The following DAB1 variants were observed in gnomAD, a reference collection of about 807,000 sequenced individuals.
The protein encoded by DAB1 is disabled homolog 1.
A neutral mutation model predicts 64.6 loss-of-function variants in DAB1; 15 were observed. The observed-to-expected ratio is 0.23, with a 90% CI of 0.16 to 0.36. The LOEUF is 0.36. DAB1 is among the 10% of genes least tolerant of loss of function. The pLI, the probability that DAB1 is intolerant of heterozygous loss-of-function variation, is 1.00. For synonymous variants in DAB1, 235 were observed against 251.9 expected (o/e 0.93, Z 0.64); for missense variants, 596 against 706.7 (o/e 0.84, Z 1.78).
chr1:57,534,787 T>C (rs993209526), intron 7 of DAB1, among the ~76,000 whole-genome samples: 2 of 152,184 alleles, frequency 1.3e-5, no homozygotes, highest in African/African-American at 2.4e-5. Flanking sequence ...GTAAATGAGA[T>C]AACATGTCTC....
At chr1:58,525,027 T>C (rs1268342380) in intron 2 of DAB1, among the ~76,000 whole-genome samples, 1 of 152,220 alleles carries the variant, frequency 6.6e-6, no homozygotes, top group African/African-American at 2.4e-5. Context: ...GTTAATTCTA[T>C]GCAGTTATGA....
At chr1:57,987,968 C>T (rs1320074421) in intron 5 of DAB1, among the ~76,000 whole-genome samples, 3 of 151,878 alleles carry the variant, frequency 2.0e-5, no homozygotes, top group Non-Finnish European at 4.4e-5. Context: ...AGGATTCACT[C>T]GTCCTTTCCT....
intron 1 of DAB1, among the ~76,000 whole-genome samples, chr1:57,342,546 G>A (rs1171635854): frequency 1.3e-5 from 2 of 152,194 alleles, no homozygotes; most frequent in Non-Finnish European, 2.9e-5. Flanking sequence ...ATTATTTGCA[G>A]GAAAGCAATT....
chr1:57,911,518 T>C (rs1190258165), intron 5 of DAB1, among the ~76,000 whole-genome samples: 3 of 152,128 alleles, frequency 2.0e-5, no homozygotes, highest in Non-Finnish European at 4.4e-5. Flanking sequence ...GCCTCTTCCT[T>C]GATCCCAGGC....
At chr1:58,101,058 T>C (rs1001066063) in intron 5 of DAB1, among the ~76,000 whole-genome samples, 5 of 152,180 alleles carry the variant, frequency 3.3e-5, no homozygotes, top group Non-Finnish European at 5.9e-5. Context: ...GGCTCACACC[T>C]GTAATCCCAA....
intron 1 of DAB1, among the ~76,000 whole-genome samples, chr1:58,540,501 A>G (rs1473710704): frequency 1.3e-5 from 2 of 151,836 alleles, no homozygotes; most frequent in East Asian, 3.8e-4. Flanking sequence ...ATGTTTAAGA[A>G]GCTAAAGGAA....
At chr1:58,004,631 T>C (rs922577364) in intron 5 of DAB1, among the ~76,000 whole-genome samples, 2 of 152,214 alleles carry the variant, frequency 1.3e-5, no homozygotes, top group African/African-American at 2.4e-5. Flanking sequence ...TGTGAATGCA[T>C]AGAATGTCCT....
chr1:58,126,122 A>C (rs780652590), intron 5 of DAB1, among the ~76,000 whole-genome samples: 14 of 152,322 alleles, frequency 9.2e-5, no homozygotes, highest in Non-Finnish European at 2.1e-4. Context: ...CCTAGAATAA[A>C]ATCAGTCTGA....
chr1:57,581,186 T>C (rs1051338366), intron 7 of DAB1, among the ~76,000 whole-genome samples: 1 of 152,198 alleles, frequency 6.6e-6, no homozygotes, highest in African/African-American at 2.4e-5. Flanking sequence ...ATTTCTTCAC[T>C]TGACAAAGGT....
chr1:57,255,482 CA>C (rs1418938192), intron 2 of DAB1, among the ~76,000 whole-genome samples: 1 of 151,876 alleles, frequency 6.6e-6, no homozygotes, highest in African/African-American at 2.4e-5. Context: ...GGCATCATGG[CA>C]AAACCCTGTA....
At chr1:57,171,402 T>A (rs950722646) in intron 2 of DAB1, among the ~76,000 whole-genome samples, 35 of 152,248 alleles carry the variant, frequency 2.3e-4, no homozygotes, top group African/African-American at 6.5e-4. Context: ...TGATAACTCC[T>A]GCTGTCTCTG....
At chr1:57,106,612 A>G (rs1475820894) in intron 4 of DAB1, among the ~76,000 whole-genome samples, 1 of 152,178 alleles carries the variant, frequency 6.6e-6, no homozygotes, top group Admixed American at 6.5e-5. Flanking sequence ...TCACTCATAT[A>G]TCACAAGGCC....
chr1:57,741,782 A>T (rs1648007793), intron 6 of DAB1, among the ~76,000 whole-genome samples: 1 of 152,218 alleles, frequency 6.6e-6, no homozygotes, highest in Admixed American at 6.5e-5. Context: ...GTCTTGCACG[A>T]GCTCAGCTGG....
chr1:57,369,649 A>C (rs1263297383), intron 1 of DAB1, among the ~76,000 whole-genome samples: 1 of 152,152 alleles, frequency 6.6e-6, no homozygotes, highest in South Asian at 2.1e-4. Context: ...TTGTACTCTC[A>C]GAGGTGGCAC....
chr1:58,483,234 C>A (rs570838420), intron 3 of DAB1, among the ~76,000 whole-genome samples: 4 of 152,266 alleles, frequency 2.6e-5, no homozygotes, highest in South Asian at 2.1e-4. Context: ...AGGAAGAGGT[C>A]CAGATGGGCC....
intron 1 of DAB1, among the ~76,000 whole-genome samples, chr1:57,376,099 C>T (rs1388380312): frequency 6.6e-6 from 1 of 152,190 alleles, no homozygotes; most frequent in Non-Finnish European, 1.5e-5. Flanking sequence ...TCCATTATGG[C>T]TTGCTCCACT....
chr1:57,378,879 T>TA (rs1039837393), intron 1 of DAB1, among the ~76,000 whole-genome samples: 11 of 152,108 alleles, frequency 7.2e-5, no homozygotes, highest in Non-Finnish European at 1.2e-4. Context: ...CACTGCTTAC[T>TA]AAAAAAACTG....
chr1:57,183,264 T>C (rs917589616), intron 2 of DAB1, among the ~76,000 whole-genome samples: 14 of 152,142 alleles, frequency 9.2e-5, no homozygotes, highest in African/African-American at 3.1e-4. Flanking sequence ...AGACCTCAGG[T>C]TGGAGACCAT....
intron 7 of DAB1, among the ~76,000 whole-genome samples, chr1:57,468,228 T>C (rs906579049): frequency 6.6e-6 from 1 of 152,034 alleles, no homozygotes; most frequent in Non-Finnish European, 1.5e-5. Context: ...AATGAATGAA[T>C]ACAAGAAGGA....
Sources: gnomAD v4.1 joint callset for allele counts (sites outside exome capture counted in the v4.1 genomes callset) on GRCh38, gnomAD v4.1.1 for gene constraint, MANE v1.5 for transcripts, NCBI Gene and HGNC (gene_info 2026-07-23, HGNC 2026-07-21) for gene names.